BTBD1: variants seen among roughly 807,000 people sequenced by gnomAD.
BTBD1 encodes the protein BTB domain containing 1.
A neutral mutation model predicts 48.0 loss-of-function variants in BTBD1; 34 were observed. The observed-to-expected ratio is 0.71, with a 90% confidence interval of 0.54 to 0.94. The LOEUF is 0.94. Ranked by LOEUF, BTBD1 falls within the 40% of genes least tolerant of loss-of-function variation. BTBD1 has a pLI of 0.00. For synonymous variants in BTBD1, 261 were observed against 242.1 expected (o/e 1.08, Z -0.72); for missense variants, 543 against 625.6 (o/e 0.87, Z 1.41).
intron 5 of BTBD1, among the ~76,000 whole-genome samples, chr15:83,027,248 A>G (rs983468454): frequency 6.6e-6 from 1 of 152,190 alleles, no homozygotes; most frequent in Non-Finnish European, 1.5e-5. Flanking sequence ...GCTACCTGGG[A>G]GCCTGAGGCA....
intron 3 of BTBD1, chr15:83,044,345 A>G (rs1425003938): frequency 1.5e-4 from 213 of 1,406,884 alleles, no homozygotes; most frequent in Non-Finnish European, 3.9e-6. Flanking sequence ...CCTGCTCTGC[A>G]TGCCCGCCCG....
chr15:83,030,448 T>G (rs2032494683), intron 4 of BTBD1, 120 bp from the exon 5 acceptor site: 2 of 754,804 alleles, frequency 2.6e-6, no homozygotes, highest in Non-Finnish European at 4.3e-6. Flanking sequence ...GAAAAAAATC[T>G]TAGCATATAT....
Position 83,017,500 on chromosome 15 carries a change from T to C in BTBD1, c.*567A>G, listed in dbSNP as rs1474462117. 6.5e-6 allele frequency: 1 copy of C among 152,700 alleles called. No individual in the cohort carries two copies. 9.5% of individuals were successfully genotyped at this position (152,700 alleles called of 1,614,324 possible). On this transcript the variant is annotated 3_prime_UTR_variant, in exon 8 of 8. Transcript: ENST00000261721. ...TCTATAAATGCACTGAATATTTTCTTGGGCATTTTATTAGGCCTTTTTTAG... is the reference window on the plus strand; with the variant it reads ...TCTATAAATGCACTGAATATTTTCTCGGGCATTTTATTAGGCCTTTTTTAG...
chr15:83,042,136 T>G (rs1373295174), intron 3 of BTBD1, among the ~76,000 whole-genome samples: 2 of 151,936 alleles, frequency 1.3e-5, no homozygotes, highest in African/African-American at 4.8e-5. Flanking sequence ...AATCAATTTA[T>G]TACTTACCAT....
chr15:83,020,093 A>C (rs1347795856), intron 6 of BTBD1: 2 of 151,400 alleles, frequency 1.3e-5, no homozygotes, highest in Non-Finnish European at 2.9e-5. Flanking sequence ...TGGGCAACAC[A>C]GCGAGACAAA....
At chr15:83,058,118 T>A (rs903740890) in intron 1 of BTBD1, among the ~76,000 whole-genome samples, 2 of 152,238 alleles carry the variant, frequency 1.3e-5, no homozygotes, top group Non-Finnish European at 1.5e-5. Context: ...TTAATTTCCA[T>A]GTTTTAGCAC....
chr15:83,039,529 C>T (rs953526446), intron 4 of BTBD1, among the ~76,000 whole-genome samples: 1 of 151,930 alleles, frequency 6.6e-6, no homozygotes, highest in Admixed American at 6.6e-5. Context: ...TCCCAGCACT[C>T]TGGGAGGCTG....
At chr15:83,025,352 C>A (rs913270705) in intron 5 of BTBD1, among the ~76,000 whole-genome samples, 2 of 87,724 alleles carry the variant, frequency 2.3e-5, no homozygotes, top group African/African-American at 4.4e-5. Flanking sequence ...AACAAGACTC[C>A]ATCACAAAAA....
intron 5 of BTBD1, among the ~76,000 whole-genome samples, chr15:83,021,770 A>AATAATAATAATAATAAT (rs2032304282): frequency 2.0e-5 from 3 of 148,928 alleles, no homozygotes; most frequent in Non-Finnish European, 3.0e-5. Context: ...TAATAATAAT[A>AATAATAATAATAATAAT]CATATGGAAC....
chr15:83,048,622 C>T (rs774304153), intron 3 of BTBD1, among the ~76,000 whole-genome samples: 3 of 151,268 alleles, frequency 2.0e-5, no homozygotes, highest in Non-Finnish European at 2.9e-5. Context: ...CTCCACTATC[C>T]AAACACAGTA....
intron 3 of BTBD1, among the ~76,000 whole-genome samples, chr15:83,049,298 A>G (rs1393567751): frequency 6.6e-6 from 1 of 152,184 alleles, no homozygotes; most frequent in Non-Finnish European, 1.5e-5. Flanking sequence ...AGGAAACTAG[A>G]GTGCCTGGAG....
intron 4 of BTBD1, among the ~76,000 whole-genome samples, chr15:83,034,684 A>G (rs958714692): frequency 6.6e-6 from 1 of 152,190 alleles, no homozygotes; most frequent in Non-Finnish European, 1.5e-5. Context: ...AAGATAAAGA[A>G]GCAAATTCAA....
intron 4 of BTBD1, among the ~76,000 whole-genome samples, chr15:83,034,196 A>G (rs1030104011): frequency 1.3e-5 from 2 of 152,218 alleles, no homozygotes; most frequent in Admixed American, 1.3e-4. Flanking sequence ...AGTCTGTCAG[A>G]CTGAATTTTT....
chr15:83,040,147 G>A (rs879543625), intron 4 of BTBD1, among the ~76,000 whole-genome samples: 3 of 152,154 alleles, frequency 2.0e-5, no homozygotes, highest in South Asian at 2.1e-4. Flanking sequence ...ACCAAATACC[G>A]TATGTTCTCA....
In BTBD1 at chr15:83,017,582, T is replaced by G. The variant is rs2032194754; in HGVS notation, c.*485A>C. 1 of 152,678 alleles carries G rather than the reference T, an allele frequency of 6.5e-6. No homozygotes were observed. The highest frequency in any genetic ancestry group is 6.5e-5 in the Admixed American group (1 of 15,290). 9.5% of individuals were successfully genotyped at this position (152,678 alleles called of 1,614,324 possible). ...CAAACCACCAAATATAAAGTCAGCTTCTTAATTTTCTGAAATTTAGTTATT... is the reference window on the plus strand; with the variant it reads ...CAAACCACCAAATATAAAGTCAGCTGCTTAATTTTCTGAAATTTAGTTATT... On this transcript the variant is annotated 3_prime_UTR_variant, in exon 8 of 8. Transcript: ENST00000261721.
rs189317063 is a variant in BTBD1 at position 83,017,858 on chromosome 15, C to T, written c.*209G>A. The T allele has an allele frequency of 9.3e-6, 3 of 323,976 alleles. No individual in the cohort carries two copies. Among genetic ancestry groups the T allele is most frequent in the Non-Finnish European group, 1.7e-5 (3 of 180,738 alleles). The allele number at this position is 323,976 out of a possible 1,614,324, so 20.1% of individuals were successfully genotyped here. On this transcript the variant is annotated 3_prime_UTR_variant, in exon 8 of 8. Coordinates refer to ENST00000261721, the MANE Select transcript of BTBD1 (RefSeq NM_025238.4). ...TTTTTTTAAACCATTAAACCCAGTT[C>T]TTTTCTCTTAAAGTTGTAAGAAAAT...
intron 4 of BTBD1, among the ~76,000 whole-genome samples, chr15:83,036,648 A>G (rs1416346141): frequency 6.6e-6 from 1 of 152,212 alleles, no homozygotes; most frequent in African/African-American, 2.4e-5. Flanking sequence ...ATGGTCCCCA[A>G]ACAGAAATAA....
intron 5 of BTBD1, chr15:83,029,923 A>T: frequency 3.4e-6 from 2 of 584,076 alleles, no homozygotes; most frequent in Non-Finnish European, 6.0e-6. Context: ...TTCTTACTCT[A>T]TTTTTTTCTT....
In BTBD1 at chr15:83,067,200, C is replaced by G. The variant is rs753828603; in HGVS notation, c.-49G>C. On this transcript the variant is annotated 5_prime_UTR_variant, in exon 1 of 8. Coordinates refer to ENST00000261721, the MANE Select transcript of BTBD1 (RefSeq NM_025238.4). ...GTTATGGACAAAACTCCGCCGCCAT[C>G]GCCCAGGCCGCCTCCGGAGGCCGGC... is the stretch of plus-strand genomic sequence containing the variant. 3.0e-6 allele frequency: 4 copies of G among 1,345,364 alleles called. No homozygotes were observed. Among genetic ancestry groups the G allele is most frequent in the Non-Finnish European group, 3.8e-6 (4 of 1,050,090 alleles). 83.3% of individuals were successfully genotyped at this position (1,345,364 alleles called of 1,614,324 possible). A position where few individuals can be genotyped will look rare whatever the true frequency, so the allele number is the denominator to read the frequency against.
Sources: gnomAD v4.1 joint callset for allele counts (sites outside exome capture counted in the v4.1 genomes callset) on GRCh38, gnomAD v4.1.1 for gene constraint, MANE v1.5 for transcripts, NCBI Gene and HGNC (gene_info 2026-07-23, HGNC 2026-07-21) for gene names.